Variants in CLOCK observed in about 807,000 individuals in gnomAD.
The protein encoded by CLOCK is clock circadian regulator, also known as circadian locomoter output cycles protein kaput.
In CLOCK, 43 loss-of-function variants were observed where a neutral mutation model predicts 118.4. The observed-to-expected ratio is 0.36, with a 90% CI of 0.28 to 0.47. The LOEUF (loss-of-function observed/expected upper bound fraction) is 0.47, where lower values mean the gene tolerates loss of function less well. Ranked by LOEUF, CLOCK falls within the 20% of genes least tolerant of loss-of-function variation. The probability of loss-of-function intolerance (pLI) is 1.00; values close to 1 mark genes in which losing one functional copy is unlikely to be tolerated. For synonymous variants in CLOCK, 326 were observed against 339.2 expected, an observed-to-expected ratio of 0.96 and a Z score of 0.43; for missense variants, 846 against 999.9, an observed-to-expected ratio of 0.85 and a Z score of 2.08.
chr4:55,470,519 A>G (rs147876685), intron 8 of CLOCK, among the ~76,000 whole-genome samples, 198 bp downstream of exon 8: 13 of 151,602 alleles, frequency 8.6e-5, no homozygotes, highest in African/African-American at 2.9e-4. Flanking sequence ...GCATAACTAT[A>G]GTTGAATATT....
At chr4:55,544,165 GACACACACACAC>G (rs35842826) in intron 1 of CLOCK, among the ~76,000 whole-genome samples, 20 of 148,208 alleles carry the variant, frequency 1.3e-4, no homozygotes, top group Admixed American at 2.7e-4. Flanking sequence ...GAAACAACCA[GACACACACACAC>G]ACACACACAC....
chr4:55,440,266 A>G (rs1723249001), intron 21 of CLOCK, among the ~76,000 whole-genome samples: 1 of 152,244 alleles, frequency 6.6e-6, no homozygotes, highest in Non-Finnish European at 1.5e-5. Flanking sequence ...CTCAATTTAT[A>G]AATTCATCAA....
intron 1 of CLOCK, among the ~76,000 whole-genome samples, chr4:55,529,813 T>C (rs998994198): frequency 3.9e-5 from 6 of 152,220 alleles, no homozygotes; most frequent in Admixed American, 3.9e-4. Context: ...TCTGGTTCCA[T>C]TGTCAATGCT....
chr4:55,460,202 G>C (rs920166706), intron 9 of CLOCK, among the ~76,000 whole-genome samples: 3 of 152,034 alleles, frequency 2.0e-5, no homozygotes. Context: ...GTCATCCTTT[G>C]TCATTCCCAC....
At chr4:55,500,576 C>G (rs899762539) in intron 2 of CLOCK, among the ~76,000 whole-genome samples, 2 of 151,760 alleles carry the variant, frequency 1.3e-5, no homozygotes, top group African/African-American at 4.8e-5. Flanking sequence ...GTCTCTAACT[C>G]CTGGGCTCAA....
At chr4:55,544,596 C>G (rs534023643) in intron 1 of CLOCK, among the ~76,000 whole-genome samples, 1 of 152,102 alleles carries the variant, frequency 6.6e-6, no homozygotes, top group Non-Finnish European at 1.5e-5. Flanking sequence ...GTTGATTTTC[C>G]TAAAAAATAT....
In CLOCK at chr4:55,438,350, G is replaced by A; in HGVS notation, c.2293C>T (p.Gln765Ter). ...QQQQQQSSQE[Q>*]QLTSVQQPSQ... Reference sequence around the variant, plus strand: ...GGTTGCTGAACTGAAGTGAGCTGCTGCTCCTGGGAGCTCTGCTGCTGCTGC... The same window carrying A: ...GGTTGCTGAACTGAAGTGAGCTGCTACTCCTGGGAGCTCTGCTGCTGCTGC... The change falls in exon 22 of 23, where the codon CAG becomes TAG. Residue 765 changes from glutamine to a stop codon, truncating the protein, a stop_gained. Coordinates refer to ENST00000513440, the MANE Select transcript of CLOCK (RefSeq NM_004898.4). LOFTEE classifies it high-confidence loss of function. 1.9e-6 allele frequency: 3 copies of A among 1,614,044 alleles called. No homozygotes were observed. Among genetic ancestry groups the A allele is most frequent in the Non-Finnish European group, 2.5e-6 (3 of 1,180,014 alleles).
At chr4:55,489,490 G>C (rs1727529903) in intron 2 of CLOCK, 25 bp from the exon 3 acceptor site, 1 of 151,952 alleles carries the variant, frequency 6.6e-6, no homozygotes, top group Admixed American at 6.6e-5. Flanking sequence ...AAAAATGTTA[G>C]ATTTATTCAA....
chr4:55,534,519 C>T (rs1419451688), intron 1 of CLOCK, among the ~76,000 whole-genome samples: 1 of 152,104 alleles, frequency 6.6e-6, no homozygotes, highest in Admixed American at 6.5e-5. Flanking sequence ...CCATTCTATC[C>T]TCACATGCTA....
intron 1 of CLOCK, among the ~76,000 whole-genome samples, chr4:55,536,505 G>A (rs1200645721): frequency 6.6e-6 from 1 of 152,028 alleles, no homozygotes; most frequent in African/African-American, 2.4e-5. Flanking sequence ...AAAAGTCTGG[G>A]ACCTGCCCCA....
chr4:55,530,241 A>G (rs1730449484), intron 1 of CLOCK, among the ~76,000 whole-genome samples: 1 of 152,188 alleles, frequency 6.6e-6, no homozygotes, highest in Non-Finnish European at 1.5e-5. Context: ...TATCTTTGTG[A>G]GCGAGGGAAA....
At chr4:55,484,680 G>C (rs1447309826) in intron 3 of CLOCK, among the ~76,000 whole-genome samples, 1 of 152,120 alleles carries the variant, frequency 6.6e-6, no homozygotes, top group Non-Finnish European at 1.5e-5. Context: ...CAAAAGGCCA[G>C]ATCTGAGCCT....
At chr4:55,510,144 G>A (rs1560467181) in intron 1 of CLOCK, 79 bp from the exon 2 acceptor site, 3 of 152,052 alleles carry the variant, frequency 2.0e-5, no homozygotes, top group Non-Finnish European at 4.4e-5. Context: ...TTGTTTCATC[G>A]ACGTATAGAA....
chr4:55,511,492 G>GT (rs1311440575), intron 1 of CLOCK, among the ~76,000 whole-genome samples: 1 of 151,982 alleles, frequency 6.6e-6, no homozygotes, highest in South Asian at 2.1e-4. Context: ...ACTGTTTCAG[G>GT]TCCACATAAA....
At chr4:55,462,315 CTCGCTCTA>C (rs1725399697) in intron 9 of CLOCK, among the ~76,000 whole-genome samples, 3 of 152,160 alleles carry the variant, frequency 2.0e-5, no homozygotes, top group African/African-American at 7.2e-5. Flanking sequence ...GAGACAGAGT[CTCGCTCTA>C]TCGCCCAGGC....
At chr4:55,453,587 G>A in intron 14 of CLOCK, 90 bp downstream of exon 14, 1 of 1,077,610 alleles carries the variant, frequency 9.3e-7, no homozygotes, top group Non-Finnish European at 1.4e-6. Flanking sequence ...GCACTTTGTA[G>A]CTCTTTAACA....
At chr4:55,525,244 G>A (rs1022624632) in intron 1 of CLOCK, among the ~76,000 whole-genome samples, 1 of 152,152 alleles carries the variant, frequency 6.6e-6, no homozygotes, top group Non-Finnish European at 1.5e-5. Context: ...AGGACAACAT[G>A]GGAGGATCAC....
chr4:55,523,123 G>A (rs536711293), intron 1 of CLOCK, among the ~76,000 whole-genome samples: 7 of 145,170 alleles, frequency 4.8e-5, no homozygotes, highest in East Asian at 4.0e-4. Context: ...GTGAAACCCC[G>A]TCTCTACTAA....
At chr4:55,482,691 A>G (rs1727013745) in intron 4 of CLOCK, 48 bp downstream of exon 4, 1 of 1,278,002 alleles carries the variant, frequency 7.8e-7, no homozygotes, top group Non-Finnish European at 1.1e-6. Context: ...CTAATAGTGC[A>G]TTTTAAAATA....
Sources: allele counts gnomAD v4.1 joint callset (sites outside exome capture counted in the v4.1 genomes callset), GRCh38; gene constraint gnomAD v4.1.1; transcripts MANE v1.5; gene names NCBI Gene and HGNC (gene_info 2026-07-23, HGNC 2026-07-21).